The following TMEM132D variants were observed in gnomAD, a reference collection of about 807,000 sequenced individuals.
TMEM132D encodes the protein mature OL transmembrane protein.
A neutral mutation model predicts 62.3 loss-of-function variants in TMEM132D; 21 were observed. The ratio of observed to expected loss-of-function variants is 0.34; its 90% CI spans 0.24 to 0.49. TMEM132D has a LOEUF of 0.49. TMEM132D is among the 20% of genes least tolerant of loss of function. The pLI, the probability that TMEM132D is intolerant of heterozygous loss-of-function variation, is 0.99. For missense variants in TMEM132D, 1,346 were observed against 1,402.8 expected, an observed-to-expected ratio of 0.96 and a Z score of 0.65; for synonymous variants, 621 against 575.6, an observed-to-expected ratio of 1.08 and a Z score of -1.13.
At chr12:129,535,060 T>C (rs1876341925) in intron 2 of TMEM132D, among the ~76,000 whole-genome samples, 1 of 152,196 alleles carries the variant, frequency 6.6e-6, no homozygotes, top group Admixed American at 6.5e-5. Context: ...GAACATCCAT[T>C]GCTGGTAACC....
intron 3 of TMEM132D, among the ~76,000 whole-genome samples, chr12:129,445,481 T>C (rs1234903001): frequency 6.6e-6 from 1 of 152,116 alleles, no homozygotes; most frequent in Admixed American, 6.5e-5. Flanking sequence ...TATAAAAAGG[T>C]ACTAGACTGT....
chr12:129,464,191 A>C (rs1873798376), intron 3 of TMEM132D, among the ~76,000 whole-genome samples: 1 of 151,496 alleles, frequency 6.6e-6, no homozygotes, highest in Non-Finnish European at 1.5e-5. Context: ...ATGGTATCTC[A>C]TTGTGGTTTT....
intron 1 of TMEM132D, among the ~76,000 whole-genome samples, chr12:129,848,544 T>C (rs1363831323): frequency 6.6e-6 from 1 of 152,142 alleles, no homozygotes; most frequent in Non-Finnish European, 1.5e-5. Flanking sequence ...GAAGGTAAAA[T>C]AGTCTACATG....
chr12:129,119,911 G>A (rs1242428809), intron 5 of TMEM132D, among the ~76,000 whole-genome samples: 1 of 152,086 alleles, frequency 6.6e-6, no homozygotes, highest in Non-Finnish European at 1.5e-5. Context: ...GGAGGGGAAG[G>A]AGACAGTGGA....
intron 1 of TMEM132D, among the ~76,000 whole-genome samples, chr12:129,845,307 T>C (rs2137348027): frequency 6.6e-6 from 1 of 152,344 alleles, no homozygotes; most frequent in Non-Finnish European, 1.5e-5. Context: ...AGAAATGTTA[T>C]AGCCTAAGAG....
At chr12:129,788,781 T>C (rs150824551) in intron 1 of TMEM132D, among the ~76,000 whole-genome samples, 3 of 152,162 alleles carry the variant, frequency 2.0e-5, no homozygotes, top group African/African-American at 7.2e-5. Context: ...CAAGACTCTT[T>C]CTGAGGAGTT....
At chr12:129,536,374 T>C (rs552985957) in intron 2 of TMEM132D, among the ~76,000 whole-genome samples, 88 of 152,044 alleles carry the variant, frequency 5.8e-4, no homozygotes, top group Middle Eastern at 6.8e-3. Flanking sequence ...CCATACTTAC[T>C]TTCTCTCATT....
chr12:129,362,409 C>A (rs7972147), intron 3 of TMEM132D, among the ~76,000 whole-genome samples: 2,261 of 146,604 alleles, frequency 0.015, 62 homozygotes, highest in African/African-American at 0.054. Flanking sequence ...TTGGAGCAGC[C>A]CCCACCCACC....
In TMEM132D at chr12:129,715,908, C is replaced by T. The variant is rs563916862; in HGVS notation, c.80-15210G>A. Reference sequence around the variant, plus strand: ...CACGGCTGCACGTCACTGAATTACCCACTGGGGCCCATCAGGGACCTGCAG... The same window carrying T: ...CACGGCTGCACGTCACTGAATTACCTACTGGGGCCCATCAGGGACCTGCAG... On this transcript the variant is annotated intron_variant, in intron 1 of 8. Transcript: ENST00000422113. Among the ~76,000 whole-genome samples, 187 of 152,290 alleles carry T rather than the reference C, an allele frequency of 1.2e-3. 1 individual carries two copies. Among genetic ancestry groups the T allele is most frequent in the African/African-American group, 4.4e-3 (182 of 41,574 alleles).
At chr12:129,735,106 A>T (rs2137254985) in intron 1 of TMEM132D, among the ~76,000 whole-genome samples, 1 of 152,376 alleles carries the variant, frequency 6.6e-6, no homozygotes, top group Non-Finnish European at 1.5e-5. Context: ...TTAAAAAAAT[A>T]CACAAAATTC....
At chr12:129,781,857 G>A (rs1210635174) in intron 1 of TMEM132D, among the ~76,000 whole-genome samples, 1 of 152,134 alleles carries the variant, frequency 6.6e-6, no homozygotes, top group African/African-American at 2.4e-5. Flanking sequence ...ACTTATTCAA[G>A]AAAATATGAG....
chr12:129,357,437 G>GA (rs534016340), intron 3 of TMEM132D, among the ~76,000 whole-genome samples: 12 of 143,222 alleles, frequency 8.4e-5, no homozygotes, highest in African/African-American at 3.1e-4. Flanking sequence ...CGGAAGGAAA[G>GA]AAAAAAAGAA....
intron 1 of TMEM132D, among the ~76,000 whole-genome samples, chr12:129,707,774 G>A (rs1881541305): frequency 6.6e-6 from 1 of 152,114 alleles, no homozygotes; most frequent in South Asian, 2.1e-4. Flanking sequence ...TATTTGCGCT[G>A]GACGCAGTGC....
Position 129,623,641 on chromosome 12 carries a change from GTGTA to G in TMEM132D, c.968+76165_968+76168del, listed in dbSNP as rs1024434055. On this transcript the variant is annotated intron_variant, in intron 2 of 8. Transcript: ENST00000422113. ...CTGAGTAGTATTCCATGGTGTGTGT[GTGTA>G]TGTGTGTATATATATATACATATAT... Among the ~76,000 whole-genome samples, 48 of 147,988 alleles carry G rather than the reference GTGTA, an allele frequency of 3.2e-4. No homozygotes were observed. In the South Asian group the frequency reaches 4.5e-3, roughly 14 times the overall value.
At chr12:129,540,368 C>A (rs567475597) in intron 2 of TMEM132D, among the ~76,000 whole-genome samples, 2 of 152,280 alleles carry the variant, frequency 1.3e-5, no homozygotes, top group South Asian at 4.1e-4. Flanking sequence ...CCCACCCCCA[C>A]TACTCAAAAT....
intron 1 of TMEM132D, among the ~76,000 whole-genome samples, chr12:129,735,939 G>T (rs1282165162): frequency 6.6e-6 from 1 of 152,192 alleles, no homozygotes; most frequent in Non-Finnish European, 1.5e-5. Flanking sequence ...GGCAGCAACA[G>T]GATGCTGACC....
chr12:129,898,965 G>T (rs1314593164), intron 1 of TMEM132D, among the ~76,000 whole-genome samples: 1 of 152,222 alleles, frequency 6.6e-6, no homozygotes, highest in African/African-American at 2.4e-5. Flanking sequence ...GAGGCACTTT[G>T]ACATCTAGAG....
intron 3 of TMEM132D, among the ~76,000 whole-genome samples, chr12:129,490,524 G>A (rs1380914848): frequency 7.1e-6 from 1 of 141,102 alleles, no homozygotes; most frequent in Non-Finnish European, 1.5e-5. Context: ...CGCCTCCCGG[G>A]TTCACGCCAT....
At chr12:129,367,149 C>G (rs893917213) in intron 3 of TMEM132D, among the ~76,000 whole-genome samples, 1 of 152,202 alleles carries the variant, frequency 6.6e-6, no homozygotes, top group Non-Finnish European at 1.5e-5. Flanking sequence ...CAGCCAAGGA[C>G]AAAACATGGT....
Sources: gnomAD v4.1 joint callset for allele counts (sites outside exome capture counted in the v4.1 genomes callset) on GRCh38, gnomAD v4.1.1 for gene constraint, MANE v1.5 for transcripts, NCBI Gene and HGNC (gene_info 2026-07-23, HGNC 2026-07-21) for gene names.